RPS6KA6: variants seen among roughly 807,000 people sequenced by gnomAD.
The protein encoded by RPS6KA6 is ribosomal protein S6 kinase alpha-6.
A neutral mutation model predicts 65.4 loss-of-function variants in RPS6KA6; 27 were observed. The observed-to-expected ratio is 0.41, with a 90% CI of 0.30 to 0.57. The LOEUF (loss-of-function observed/expected upper bound fraction) is 0.57. RPS6KA6 is among the 20% of genes least tolerant of loss of function. The pLI is 0.24. For synonymous variants in RPS6KA6, 190 were observed against 184.2 expected (o/e 1.03, Z -0.26); for missense variants, 486 against 555.6 (o/e 0.87, Z 1.26).
chrX:84,114,567 C>CA (rs1375092429), intron 12 of RPS6KA6, among the ~76,000 whole-genome samples: 4 of 111,211 alleles, frequency 3.6e-5, no homozygotes, highest in Non-Finnish European at 7.5e-5. Context: ...CAATTCCTAT[C>CA]AAACTATGAA....
rs2034634537 is a variant in RPS6KA6, at chrX:84,119,734, T to C, written c.789+151A>G. On this transcript the variant is annotated intron_variant, in intron 9 of 21. Coordinates refer to ENST00000262752, the MANE Select transcript of RPS6KA6 (RefSeq NM_014496.5). ...CACCAAAATCTTAATTTTTATTGTG[T>C]AACAGCTAGCCAATCACAAGGTTTT... The C allele has an allele frequency of 1.2e-5, 4 of 347,629 alleles. No homozygotes were observed. The South Asian group carries it at 5.8e-4, about 50-fold the overall frequency. The allele number at this position is 347,629 out of a possible 1,213,427, so 28.6% of individuals were successfully genotyped here.
rs1191737057 is a variant in RPS6KA6, at chrX:84,140,758, C to CATATATATAT, written c.501+4710_501+4719dup. ...CAAAAAAAAAAAAAAAAAAAACATACATATATATATATATAGTCAAACATG... is the reference window on the plus strand; with the variant it reads ...CAAAAAAAAAAAAAAAAAAAACATACATATATATATATATATATATATATAGTCAAACATG... On this transcript the variant is annotated intron_variant, in intron 6 of 21. Coordinates refer to ENST00000262752, the MANE Select transcript of RPS6KA6 (RefSeq NM_014496.5). 1.4e-3 allele frequency among the ~76,000 whole-genome samples: 108 copies of CATATATATAT among 79,346 alleles called. 2 individuals are homozygous for CATATATATAT. The highest frequency in any genetic ancestry group is 5.1e-3 in the South Asian group (8 of 1,574). The allele number at this position is 79,346 out of a possible 115,157, so 68.9% of individuals were successfully genotyped here.
In RPS6KA6 at chrX:84,156,322, T is replaced by G. The variant is rs1277570417; in HGVS notation, c.142-131A>C. 3 of 403,653 alleles carry G rather than the reference T, an allele frequency of 7.4e-6. No individual in the cohort carries two copies. In the African/African-American group the frequency reaches 7.6e-5, roughly 10 times the overall value. The allele number at this position is 403,653 out of a possible 1,213,427, so 33.3% of individuals were successfully genotyped here. A position where few individuals can be genotyped will look rare whatever the true frequency, so the allele number is the denominator to read the frequency against. On this transcript the variant is annotated intron_variant, in intron 2 of 21. Transcript: ENST00000262752. ...AGCAGAGAGTTTTATGGGCTACCAG[T>G]ATCCTTATTTCCCTGTTTTCTAACA...
intron 1 of RPS6KA6, among the ~76,000 whole-genome samples, chrX:84,181,071 G>A (rs1191434158): frequency 9.0e-6 from 1 of 111,453 alleles, no homozygotes; most frequent in Non-Finnish European, 1.9e-5. Flanking sequence ...ACCTTTAAAT[G>A]GAATGGATTC....
chrX:84,073,225 C>T (rs1441642338), intron 20 of RPS6KA6, among the ~76,000 whole-genome samples: 2 of 111,421 alleles, frequency 1.8e-5, no homozygotes, highest in Admixed American at 9.6e-5. Context: ...TGTATTGATG[C>T]TCTTACAACC....
At chrX:84,187,520 A>G in intron 1 of RPS6KA6, 1 of 241,134 alleles carries the variant, frequency 4.1e-6, no homozygotes, top group South Asian at 1.7e-4. Context: ...CCAGTCCCCC[A>G]GTTCCCCTTC....
chrX:84,173,709 G>A (rs935688537), intron 1 of RPS6KA6, among the ~76,000 whole-genome samples: 5 of 111,553 alleles, frequency 4.5e-5, no homozygotes, highest in African/African-American at 1.6e-4. Context: ...CCAGGCTGCA[G>A]TGCAGTGGCA....
Position 84,059,513 on chromosome X carries a change from C to T in RPS6KA6, c.*4764G>A, listed in dbSNP as rs1431511077. 1 of 111,620 alleles carries T rather than the reference C, an allele frequency of 9.0e-6. No individual in the cohort carries two copies. Among genetic ancestry groups the T allele is most frequent in the Admixed American group, 9.5e-5 (1 of 10,475 alleles). The allele number at this position is 111,620 out of a possible 1,213,427, so 9.2% of individuals were successfully genotyped here. ...CAAAACACTACATATTTGTTATAAG[C>T]AGCAATTTCAGAGAGAATGAATTTG... On this transcript the variant is annotated 3_prime_UTR_variant, in exon 22 of 22. Transcript: ENST00000262752.
chrX:84,065,175 C>T, intron 20 of RPS6KA6, 64 bp from the exon 21 acceptor site: 1 of 823,406 alleles, frequency 1.2e-6, no homozygotes, highest in Non-Finnish European at 1.7e-6. Flanking sequence ...TTTACATTTG[C>T]TGAAAATGTG....
intron 12 of RPS6KA6, among the ~76,000 whole-genome samples, chrX:84,108,979 C>T (rs1400949004): frequency 4.5e-5 from 5 of 112,147 alleles, no homozygotes; most frequent in Non-Finnish European, 9.4e-5. Context: ...TGGCCACAGC[C>T]TGGTGTTCTT....
chrX:84,071,261 G>A (rs762898995), intron 20 of RPS6KA6, among the ~76,000 whole-genome samples: 6 of 111,786 alleles, frequency 5.4e-5, no homozygotes, highest in Non-Finnish European at 1.1e-4. Context: ...TGATAAAGAC[G>A]TGGGGAAACA....
chrX:84,069,781 A>T (rs1308627561), intron 20 of RPS6KA6, among the ~76,000 whole-genome samples: 1 of 112,550 alleles, frequency 8.9e-6, no homozygotes, highest in Non-Finnish European at 1.9e-5. Context: ...AAAAGAAAAC[A>T]TTTATACGGC....
At chrX:84,167,674 T>C (rs779976730) in intron 1 of RPS6KA6, among the ~76,000 whole-genome samples, 1 of 111,770 alleles carries the variant, frequency 8.9e-6, no homozygotes, top group South Asian at 3.8e-4. Flanking sequence ...TCCATTTATA[T>C]GTTATTCTGT....
intron 18 of RPS6KA6, among the ~76,000 whole-genome samples, chrX:84,098,789 T>C (rs1225339590): frequency 9.0e-6 from 1 of 111,187 alleles, no homozygotes; most frequent in Non-Finnish European, 1.9e-5. Flanking sequence ...TTCCTAGTCT[T>C]AGTGTATTCA....
At chrX:84,125,982 A>G (rs779150627) in intron 8 of RPS6KA6, among the ~76,000 whole-genome samples, 74 of 111,992 alleles carry the variant, frequency 6.6e-4, no homozygotes, top group East Asian at 1.1e-3. Flanking sequence ...AACTAAAAAA[A>G]TGGCATGAGT....
intron 21 of RPS6KA6, 63 bp downstream of exon 21, chrX:84,064,908 G>T: frequency 1.2e-6 from 1 of 847,486 alleles, no homozygotes; most frequent in Non-Finnish European, 1.7e-6. Flanking sequence ...TCAGCAAGTG[G>T]CACACAATGG....
intron 21 of RPS6KA6, 76 bp downstream of exon 21, chrX:84,064,895 T>C (rs762731263): frequency 5.8e-5 from 43 of 736,404 alleles, no homozygotes; most frequent in Non-Finnish European, 8.6e-5. Flanking sequence ...TATTTAAGTG[T>C]CATCAGCAAG....
At position 84,078,421 on chromosome X, in the gene RPS6KA6, CTCAA is replaced by C. The variant is rs753157156; in HGVS notation, c.1972-13314_1972-13311del. ...GTTTCTTAAAACATTAAACACATGA[CTCAA>C]TCATTCTGCTCATAGGTATTTATAC... On this transcript the variant is annotated intron_variant, in intron 20 of 21. Transcript: ENST00000262752. 9.6e-4 allele frequency among the ~76,000 whole-genome samples: 106 copies of C among 110,204 alleles called. 1 individual carries two copies. In the South Asian group the frequency reaches 0.011, roughly 11 times the overall value.
intron 20 of RPS6KA6, among the ~76,000 whole-genome samples, chrX:84,077,193 T>A (rs2033679348): frequency 9.0e-6 from 1 of 111,313 alleles, no homozygotes; most frequent in Non-Finnish European, 1.9e-5. Context: ...TCCATCACCA[T>A]CTCATTCAAA....
Sources: gnomAD v4.1 joint callset for allele counts (sites outside exome capture counted in the v4.1 genomes callset) on GRCh38, gnomAD v4.1.1 for gene constraint, MANE v1.5 for transcripts, NCBI Gene and HGNC (gene_info 2026-07-23, HGNC 2026-07-21) for gene names.